Variants in ZFPM1 observed in about 807,000 individuals in gnomAD.
The protein encoded by ZFPM1 is zinc finger protein, FOG family member 1.
In ZFPM1, 28 loss-of-function variants were observed where a neutral mutation model predicts 46.3. The ratio of observed to expected loss-of-function variants is 0.60; its 90% CI spans 0.45 to 0.83. ZFPM1 has a LOEUF of 0.83. Ranked by LOEUF, ZFPM1 falls within the 40% of genes least tolerant of loss-of-function variation. ZFPM1 has a pLI of 0.00. For synonymous variants in ZFPM1, 957 were observed against 675.9 expected (o/e 1.42, Z -6.45); for missense variants, 1,878 against 1,432.4 (o/e 1.31, Z -5.02).
chr16:88,505,662 G>T (rs555442101), intron 3 of ZFPM1, among the ~76,000 whole-genome samples: 2 of 152,270 alleles, frequency 1.3e-5, no homozygotes, highest in Admixed American at 6.5e-5. Context: ...CCATTCCCTG[G>T]AGCCAGCACC....
At chr16:88,460,641 C>T (rs1337457069) in intron 1 of ZFPM1, among the ~76,000 whole-genome samples, 3 of 152,236 alleles carry the variant, frequency 2.0e-5, no homozygotes, top group African/African-American at 2.4e-5. Flanking sequence ...CAGGTGGCCT[C>T]AGCCAATGCC....
rs1909399811 is a variant in ZFPM1 at position 88,488,977 on chromosome 16, G to A, written c.146-54G>A. The A allele has an allele frequency of 1.9e-6, 3 of 1,573,006 alleles. No homozygotes were observed. In the Admixed American group the frequency reaches 5.3e-5, roughly 28 times the overall value. On this transcript the variant is annotated intron_variant, in intron 2 of 9. Transcript: ENST00000319555. ...GCATCCTTCCCAGCTACAGGGAGGG[G>A]CAGCTCAGTGCCCGGCACTCAGCAG...
intron 3 of ZFPM1, among the ~76,000 whole-genome samples, chr16:88,510,288 G>T (rs777477324): frequency 6.6e-6 from 1 of 152,144 alleles, no homozygotes; most frequent in Non-Finnish European, 1.5e-5. Flanking sequence ...CCCCCAAAAG[G>T]CCCTGGACCC....
intron 1 of ZFPM1, among the ~76,000 whole-genome samples, chr16:88,485,571 C>G (rs1240465651): frequency 6.6e-6 from 1 of 152,014 alleles, no homozygotes; most frequent in Admixed American, 6.5e-5. Context: ...CTCCTAGTAG[C>G]TGGGACTACA....
intron 4 of ZFPM1, among the ~76,000 whole-genome samples, chr16:88,523,538 G>A (rs973418054): frequency 2.4e-4 from 37 of 152,188 alleles, no homozygotes; most frequent in African/African-American, 7.5e-4. Flanking sequence ...AGGGCTGGCC[G>A]TGTCCATGCC....
chr16:88,465,735 T>G (rs1022405015), intron 1 of ZFPM1, among the ~76,000 whole-genome samples: 3 of 152,232 alleles, frequency 2.0e-5, no homozygotes, highest in Non-Finnish European at 4.4e-5. Flanking sequence ...GCCCTGCTGC[T>G]GCACCTGACA....
Position 88,532,936 on chromosome 16 carries a change from G to A in ZFPM1, c.1189+1G>A, listed in dbSNP as rs202065940. On this transcript the variant is annotated splice_donor_variant, in intron 9 of 9. Transcript: ENST00000319555. LOFTEE classifies it high-confidence loss of function. ...CACCCAGCAACCAAGCTGCCCCCAGGTGAGCAGCCCTGTGGGGGCCACCCC... is the reference window on the plus strand; with the variant it reads ...CACCCAGCAACCAAGCTGCCCCCAGATGAGCAGCCCTGTGGGGGCCACCCC... The A allele has an allele frequency of 1.2e-4, 187 of 1,612,924 alleles. No individual in the cohort carries two copies. Among genetic ancestry groups the A allele is most frequent in the Non-Finnish European group, 1.8e-5 (21 of 1,179,950 alleles).
chr16:88,500,661 A>G (rs1156525227), intron 3 of ZFPM1, among the ~76,000 whole-genome samples: 1 of 152,188 alleles, frequency 6.6e-6, no homozygotes, highest in African/African-American at 2.4e-5. Flanking sequence ...CGGCAGACTC[A>G]GCTTCCAGGT....
rs1320676109 is a variant in ZFPM1, at chr16:88,465,913, G to A, written c.40+12235G>A. 2.6e-5 allele frequency among the ~76,000 whole-genome samples: 4 copies of A among 152,336 alleles called. No individual in the cohort carries two copies. In the East Asian group the frequency reaches 7.7e-4, roughly 29 times the overall value. On this transcript the variant is annotated intron_variant, in intron 1 of 9. Coordinates refer to ENST00000319555, the MANE Select transcript of ZFPM1 (RefSeq NM_153813.3). The stretch of plus-strand genomic sequence containing the variant: ...CAGGTGAAGCAGCCATAGGGGTGGA[G>A]GAGGGACAGGTGAAGCAGCCATGGG...
At chr16:88,524,700 C>T (rs768498532) in intron 4 of ZFPM1, among the ~76,000 whole-genome samples, 9 of 152,234 alleles carry the variant, frequency 5.9e-5, no homozygotes, top group Non-Finnish European at 1.2e-4. Flanking sequence ...CCCAACATAC[C>T]GGGAGGAAAC....
intron 1 of ZFPM1, among the ~76,000 whole-genome samples, chr16:88,482,229 C>T (rs1189056689): frequency 1.3e-5 from 2 of 151,944 alleles, no homozygotes; most frequent in Non-Finnish European, 2.9e-5. Context: ...ACTGGGGGCC[C>T]AAGTGCTCTG....
intron 4 of ZFPM1, among the ~76,000 whole-genome samples, chr16:88,521,103 T>C (rs1167574350): frequency 6.6e-6 from 1 of 151,498 alleles, no homozygotes; most frequent in Non-Finnish European, 1.5e-5. Context: ...GGGTGGATGA[T>C]GGACAGGTGG....
chr16:88,524,071 A>C (rs1487749167), intron 4 of ZFPM1, among the ~76,000 whole-genome samples: 1 of 152,246 alleles, frequency 6.6e-6, no homozygotes, highest in African/African-American at 2.4e-5. Flanking sequence ...GCAGGCTGTC[A>C]GTCTCAGTTT....
rs140128490 is a variant in ZFPM1 at position 88,521,362 on chromosome 16, C to A, written c.403-5452C>A. 4.7e-3 allele frequency among the ~76,000 whole-genome samples: 715 copies of A among 152,122 alleles called. 3 individuals carry two copies. The highest frequency in any genetic ancestry group is 0.016 in the African/African-American group (675 of 41,476). ...CATGGTGATGACCCCTGACGCCAGG[C>A]TCTGGGGCTCCCTGCATGGTTTCAG... On this transcript the variant is annotated intron_variant, in intron 4 of 9. Coordinates refer to ENST00000319555, the MANE Select transcript of ZFPM1 (RefSeq NM_153813.3).
At chr16:88,501,238 CTCTCCCG>C (rs1910274905) in intron 3 of ZFPM1, among the ~76,000 whole-genome samples, 4 of 122,926 alleles carry the variant, frequency 3.3e-5, no homozygotes, top group East Asian at 2.7e-4. Flanking sequence ...GGTGCATGGG[CTCTCCCG>C]CAGGTACTGG....
chr16:88,491,026 G>A (rs921924917), intron 3 of ZFPM1, among the ~76,000 whole-genome samples: 4 of 148,524 alleles, frequency 2.7e-5, no homozygotes, highest in South Asian at 2.1e-4. Flanking sequence ...CGGGGCTCTC[G>A]GTCAGGCGCT....
chr16:88,484,061 C>T (rs1000441093), intron 1 of ZFPM1, among the ~76,000 whole-genome samples: 9 of 152,218 alleles, frequency 5.9e-5, no homozygotes, highest in Admixed American at 3.9e-4. Context: ...GCTCCACCTC[C>T]GACCAGCCCA....
At chr16:88,526,654 C>T (rs1214398823) in intron 4 of ZFPM1, among the ~76,000 whole-genome samples, 160 bp from the exon 5 acceptor site, 8 of 152,236 alleles carry the variant, frequency 5.3e-5, no homozygotes, top group Admixed American at 6.5e-5. Flanking sequence ...TGGCCCATGC[C>T]ACACCTCTGC....
rs1597290157 is a variant in ZFPM1, at chr16:88,532,913, C to G, written c.1167C>G (p.His389Gln). ...KGEIYSPGAG[H>Q]PATKLPPDSL... ...AGATCTACTCGCCAGGGGCCGGACA[C>G]CCAGCAACCAAGCTGCCCCCAGGTG... The change falls in exon 9 of 10, where the codon CAC becomes CAG. Residue 389 changes from histidine to glutamine, a missense_variant. His to Gln is a conservative substitution (Grantham distance 24). Coordinates refer to ENST00000319555, the MANE Select transcript of ZFPM1 (RefSeq NM_153813.3). 6.2e-7 allele frequency: 1 copy of G among 1,613,188 alleles called. No individual in the cohort carries two copies. Among genetic ancestry groups the G allele is most frequent in the African/African-American group, 1.3e-5 (1 of 75,060 alleles).
Sources: gnomAD v4.1 joint callset for allele counts (sites outside exome capture counted in the v4.1 genomes callset) on GRCh38, gnomAD v4.1.1 for gene constraint, MANE v1.5 for transcripts, NCBI Gene and HGNC (gene_info 2026-07-23, HGNC 2026-07-21) for gene names.